Variants in MED27 observed in about 807,000 individuals in gnomAD.
The protein encoded by MED27 is mediator complex subunit 27.
In MED27, 30 loss-of-function variants were observed where a neutral mutation model predicts 38.2. That is an observed-to-expected ratio of 0.79 (90% CI 0.59 to 1.07). MED27 has a LOEUF of 1.07. Among genes scored for constraint, MED27 ranks in the 50% least tolerant of loss-of-function variants. The pLI is 0.00. For missense variants in MED27, 289 were observed against 397.5 expected (o/e 0.73, Z 2.32); for synonymous variants, 122 against 153.5 (o/e 0.79, Z 1.52).
chr9:132,030,051 T>G (rs1832920939), intron 2 of MED27, among the ~76,000 whole-genome samples: 1 of 152,208 alleles, frequency 6.6e-6, no homozygotes, highest in South Asian at 2.1e-4. Context: ...AACAAACTGG[T>G]GACTTATGTC....
chr9:131,914,948 C>T (rs571393946), intron 4 of MED27, among the ~76,000 whole-genome samples: 10 of 152,218 alleles, frequency 6.6e-5, no homozygotes, highest in Admixed American at 1.3e-4. Flanking sequence ...AGAATTCTGG[C>T]GTGGGCAACA....
chr9:132,073,950 G>C (rs1383229076), intron 2 of MED27, among the ~76,000 whole-genome samples: 2 of 152,076 alleles, frequency 1.3e-5, no homozygotes, highest in African/African-American at 4.8e-5. Flanking sequence ...AAAAATCAAA[G>C]CCAGAAATAA....
intron 4 of MED27, among the ~76,000 whole-genome samples, chr9:131,928,541 T>C (rs555384868): frequency 5.3e-5 from 8 of 152,306 alleles, no homozygotes; most frequent in African/African-American, 1.9e-4. Flanking sequence ...CTGGAGAGGA[T>C]CTGCACACTT....
intron 3 of MED27, among the ~76,000 whole-genome samples, chr9:131,972,309 AT>A (rs758769661): frequency 3.3e-5 from 5 of 152,220 alleles, no homozygotes; most frequent in Non-Finnish European, 5.9e-5. Flanking sequence ...CAAAAAAAAA[AT>A]AATAGCTTGA....
At chr9:131,890,916 T>C (rs558494067) in intron 5 of MED27, among the ~76,000 whole-genome samples, 1 of 152,342 alleles carries the variant, frequency 6.6e-6, no homozygotes, top group African/African-American at 2.4e-5. Context: ...CGTATGTTAG[T>C]ATTGTTAGTA....
chr9:132,014,445 G>T lies in MED27; in HGVS notation c.371C>A (p.Ala124Glu). 1.2e-6 allele frequency: 2 copies of T among 1,614,084 alleles called. No individual in the cohort carries two copies. Among genetic ancestry groups the T allele is most frequent in the Non-Finnish European group, 1.7e-6 (2 of 1,179,978 alleles). The change falls in exon 3 of 8, where the codon GCA (alanine) becomes GAA (glutamate). Residue 124 changes from alanine to glutamate, a missense_variant. Coordinates refer to ENST00000292035, the MANE Select transcript of MED27 (RefSeq NM_004269.4). Reference protein sequence around the residue: ...SNKLQYHAGLASGLLNQQSLK... With the variant: ...SNKLQYHAGLESGLLNQQSLK... Reference sequence around the variant, plus strand: ...TGACTGCTGATTTAAAAGGCCAGATGCTAGTCCTGCATGGTACTGCAACTG... The same window carrying T: ...TGACTGCTGATTTAAAAGGCCAGATTCTAGTCCTGCATGGTACTGCAACTG...
chr9:132,050,006 T>C (rs72763627), intron 2 of MED27, among the ~76,000 whole-genome samples: 8,412 of 151,922 alleles, frequency 0.055, 342 homozygotes, highest in Non-Finnish European at 0.079. Flanking sequence ...GGCCAAGAAA[T>C]TGGAGAAATA....
intron 6 of MED27, among the ~76,000 whole-genome samples, chr9:131,876,169 G>C (rs1838928799): frequency 6.6e-6 from 1 of 152,208 alleles, no homozygotes; most frequent in Admixed American, 6.5e-5. Context: ...CTGGGGAATG[G>C]GAAGGTGGGC....
chr9:131,894,241 T>G (rs1299887267), intron 4 of MED27, among the ~76,000 whole-genome samples: 1 of 152,256 alleles, frequency 6.6e-6, no homozygotes, highest in African/African-American at 2.4e-5. Flanking sequence ...TTACAAACTC[T>G]GAGGATAAGT....
At chr9:132,006,655 A>T (rs185468028) in intron 3 of MED27, among the ~76,000 whole-genome samples, 102 of 152,216 alleles carry the variant, frequency 6.7e-4, no homozygotes, top group Non-Finnish European at 1.2e-3. Flanking sequence ...GAGGAAAAAA[A>T]AAAACAACAA....
chr9:131,885,826 G>A (rs62583309), intron 5 of MED27, among the ~76,000 whole-genome samples: 15,802 of 152,212 alleles, frequency 0.1, 1,058 homozygotes, highest in Non-Finnish European at 0.16. Flanking sequence ...ATGAGGAAAC[G>A]AGAAAGCCAT....
chr9:132,014,288 T>TA (rs765177791), intron 3 of MED27, 49 bp downstream of exon 3: 8 of 1,557,976 alleles, frequency 5.1e-6, no homozygotes, highest in Non-Finnish European at 5.2e-6. Context: ...AAGTATAAAG[T>TA]AAAAAAGTTC....
chr9:131,961,319 G>A (rs987142228), intron 3 of MED27, among the ~76,000 whole-genome samples: 3 of 152,180 alleles, frequency 2.0e-5, no homozygotes, highest in South Asian at 2.1e-4. Flanking sequence ...CTGTCTGGGC[G>A]GCGGCTCTGG....
intron 6 of MED27, among the ~76,000 whole-genome samples, chr9:131,873,956 C>A (rs1387488818): frequency 2.0e-5 from 3 of 152,184 alleles, no homozygotes; most frequent in African/African-American, 7.2e-5. Context: ...CTCCCTGGAC[C>A]CTTGAGTGCA....
At chr9:132,060,627 G>A (rs765325321) in intron 2 of MED27, among the ~76,000 whole-genome samples, 4 of 152,142 alleles carry the variant, frequency 2.6e-5, no homozygotes, top group Non-Finnish European at 5.9e-5. Flanking sequence ...TGCTCAACTG[G>A]AAAATTCAGT....
At chr9:131,988,901 C>T (rs1408183359) in intron 3 of MED27, among the ~76,000 whole-genome samples, 2 of 152,188 alleles carry the variant, frequency 1.3e-5, no homozygotes, top group African/African-American at 2.4e-5. Flanking sequence ...GGGTGAACAA[C>T]CCCTGCATTG....
chr9:132,074,353 T>C (rs1834003280), intron 2 of MED27, among the ~76,000 whole-genome samples: 1 of 152,228 alleles, frequency 6.6e-6, no homozygotes, highest in African/African-American at 2.4e-5. Context: ...AAATAATTAG[T>C]CATTAGGCAT....
At chr9:131,955,132 C>T (rs1053287336) in intron 3 of MED27, among the ~76,000 whole-genome samples, 3 of 152,104 alleles carry the variant, frequency 2.0e-5, no homozygotes, top group Middle Eastern at 3.4e-3. Context: ...AAAAATATAA[C>T]ATAAAGAGCC....
At chr9:132,022,721 G>A (rs900309718) in intron 2 of MED27, among the ~76,000 whole-genome samples, 4 of 152,144 alleles carry the variant, frequency 2.6e-5, no homozygotes, top group African/African-American at 7.2e-5. Flanking sequence ...TAATTGACTC[G>A]CAGTTCCACA....
Sources: allele counts gnomAD v4.1 joint callset (sites outside exome capture counted in the v4.1 genomes callset), GRCh38; gene constraint gnomAD v4.1.1; transcripts MANE v1.5; gene names NCBI Gene and HGNC (gene_info 2026-07-23, HGNC 2026-07-21).